SOX5: variants seen among roughly 807,000 people sequenced by gnomAD.
SOX5 encodes SRY-box transcription factor 5, also known as transcription factor SOX-5.
Under a neutral mutation model 92.0 loss-of-function variants are expected in SOX5, and 9 were observed. The ratio of observed to expected loss-of-function variants is 0.10; its 90% confidence interval spans 0.06 to 0.17. The LOEUF is 0.17. SOX5 is among the 10% of genes least tolerant of loss of function. SOX5 has a pLI of 1.00. For missense variants in SOX5, 642 were observed against 944.5 expected, an observed-to-expected ratio of 0.68 and a Z score of 4.20; for synonymous variants, 344 against 336.3, an observed-to-expected ratio of 1.02 and a Z score of -0.25.
intron 2 of SOX5, among the ~76,000 whole-genome samples, chr12:24,360,821 C>G (rs929465001): frequency 1.1e-4 from 16 of 152,154 alleles, no homozygotes; most frequent in Admixed American, 9.8e-4. Flanking sequence ...TAATGGCATC[C>G]ATTTTCGCCT....
chr12:23,822,174 T>C (rs1313967774), intron 3 of SOX5, among the ~76,000 whole-genome samples: 1 of 152,068 alleles, frequency 6.6e-6, no homozygotes, highest in Non-Finnish European at 1.5e-5. Context: ...GCTTTTGAAT[T>C]TGTTTGTGCT....
intron 3 of SOX5, among the ~76,000 whole-genome samples, chr12:23,778,648 T>A (rs549486112): frequency 6.6e-6 from 1 of 152,294 alleles, no homozygotes; most frequent in South Asian, 2.1e-4. Flanking sequence ...AGCAGATTGG[T>A]AAATTCCCCT....
At chr12:23,693,666 C>T (rs757989475) in intron 6 of SOX5, among the ~76,000 whole-genome samples, 1 of 151,996 alleles carries the variant, frequency 6.6e-6, no homozygotes, top group Non-Finnish European at 1.5e-5. Flanking sequence ...TAGCAGTTAA[C>T]CTTGATGATT....
chr12:24,401,488 T>A (rs952735704), intron 1 of SOX5, among the ~76,000 whole-genome samples: 1 of 151,762 alleles, frequency 6.6e-6, no homozygotes, highest in Non-Finnish European at 1.5e-5. Flanking sequence ...GGCAGGAGGA[T>A]CACTCGAGGC....
chr12:23,970,385 T>A (rs1166782345), intron 4 of SOX5, among the ~76,000 whole-genome samples: 1 of 152,178 alleles, frequency 6.6e-6, no homozygotes, highest in African/African-American at 2.4e-5. Flanking sequence ...ACTACCACTA[T>A]CTGTTCTCGA....
intron 3 of SOX5, among the ~76,000 whole-genome samples, chr12:24,248,931 T>C (rs1281423087): frequency 1.3e-5 from 2 of 152,176 alleles, no homozygotes; most frequent in Admixed American, 6.5e-5. Context: ...AGGTAGTATA[T>C]AGAGAAAGGC....
At chr12:24,517,674 T>A (rs989980794) in intron 1 of SOX5, among the ~76,000 whole-genome samples, 1 of 150,952 alleles carries the variant, frequency 6.6e-6, no homozygotes. Flanking sequence ...GAAACATAAT[T>A]CTGTCAAAGA....
intron 4 of SOX5, among the ~76,000 whole-genome samples, chr12:24,188,119 G>C (rs1475561351): frequency 1.3e-5 from 2 of 152,116 alleles, no homozygotes; most frequent in Admixed American, 1.3e-4. Flanking sequence ...ATCAAAAGCT[G>C]GGAGTGAACA....
chr12:23,819,863 C>T (rs1236567725), intron 3 of SOX5, among the ~76,000 whole-genome samples: 2 of 152,130 alleles, frequency 1.3e-5, no homozygotes, highest in African/African-American at 4.8e-5. Flanking sequence ...CAAGTCTTTG[C>T]TATTGTGAAT....
rs543265905 is a variant in SOX5, at chr12:24,440,081, G to A, written c.-250-71442C>T. 6.5e-4 allele frequency among the ~76,000 whole-genome samples: 99 copies of A among 152,278 alleles called. 1 individual carries two copies. Among genetic ancestry groups the A allele is most frequent in the African/African-American group, 2.2e-3 (91 of 41,558 alleles). ...ATCTGAGTCAAATTTTAACTGCCAC[G>A]TAAGTGAAGAATGAGGAGAAGGGGG... On this transcript the variant is annotated intron_variant, in intron 1 of 4. Coordinates refer to the SOX5 transcript ENST00000446891.
At chr12:24,164,458 C>T (rs938438374) in intron 4 of SOX5, among the ~76,000 whole-genome samples, 1 of 151,750 alleles carries the variant, frequency 6.6e-6, no homozygotes, top group African/African-American at 2.4e-5. Context: ...ACTTATTTAC[C>T]AAGGAGAAAA....
intron 1 of SOX5, among the ~76,000 whole-genome samples, chr12:24,528,321 G>A (rs1950893505): frequency 1.3e-5 from 2 of 151,998 alleles, no homozygotes; most frequent in African/African-American, 4.8e-5. Flanking sequence ...CATGGCTGGA[G>A]GTCTTTCCCT....
intron 4 of SOX5, among the ~76,000 whole-genome samples, chr12:24,168,271 A>G (rs1280319872): frequency 6.6e-6 from 1 of 152,226 alleles, no homozygotes; most frequent in Admixed American, 6.5e-5. Context: ...GTAGTAAATA[A>G]CAACAAAGCT....
At chr12:23,856,130 A>G (rs920916025) in intron 2 of SOX5, among the ~76,000 whole-genome samples, 13 of 152,150 alleles carry the variant, frequency 8.5e-5, no homozygotes, top group Non-Finnish European at 1.8e-4. Flanking sequence ...TATTCACACT[A>G]TAAAGCAGAA....
intron 4 of SOX5, among the ~76,000 whole-genome samples, chr12:24,009,817 T>C (rs1383964328): frequency 6.6e-6 from 1 of 152,194 alleles, no homozygotes; most frequent in Non-Finnish European, 1.5e-5. Context: ...AAAATGGTAT[T>C]GGGTTCCCAC....
chr12:23,691,015 TTCAAGC>T (rs1008903517), intron 6 of SOX5, among the ~76,000 whole-genome samples: 6 of 152,190 alleles, frequency 3.9e-5, no homozygotes, highest in African/African-American at 1.4e-4. Flanking sequence ...TTTCTCAGTC[TTCAAGC>T]TGGACTATCT....
chr12:24,425,115 A>G (rs1457542521), intron 1 of SOX5, among the ~76,000 whole-genome samples: 1 of 152,190 alleles, frequency 6.6e-6, no homozygotes, highest in Non-Finnish European at 1.5e-5. Flanking sequence ...GAGTGAAAAC[A>G]GCAGTTAGAC....
chr12:24,527,014 A>T (rs1307307789), intron 1 of SOX5, among the ~76,000 whole-genome samples: 1 of 149,154 alleles, frequency 6.7e-6, no homozygotes, highest in African/African-American at 2.5e-5. Context: ...CTGCTCTCAA[A>T]CTCCTGGGCT....
intron 1 of SOX5, among the ~76,000 whole-genome samples, chr12:24,481,850 G>C (rs1946032580): frequency 6.6e-6 from 1 of 152,152 alleles, no homozygotes; most frequent in African/African-American, 2.4e-5. Flanking sequence ...GTGAAGTCTG[G>C]CTCATCTGCT....
Sources: allele counts gnomAD v4.1 joint callset (sites outside exome capture counted in the v4.1 genomes callset), GRCh38; gene constraint gnomAD v4.1.1; transcripts MANE v1.5; gene names NCBI Gene and HGNC (gene_info 2026-07-23, HGNC 2026-07-21).